The following SAG variants were observed in gnomAD, a reference collection of about 807,000 sequenced individuals.
SAG encodes S-antigen visual arrestin, also known as S-arrestin.
SAG carries 45 observed loss-of-function variants against 55.0 expected under a neutral mutation model. The observed-to-expected ratio is 0.82, with a 90% CI of 0.64 to 1.05. The LOEUF (loss-of-function observed/expected upper bound fraction) is 1.05. Ranked by LOEUF, SAG falls within the 50% of genes least tolerant of loss-of-function variation. SAG has a pLI of 0.00. For missense variants in SAG, 455 were observed against 512.1 expected (o/e 0.89, Z 1.08); for synonymous variants, 189 against 197.4 (o/e 0.96, Z 0.36).
At chr2:233,320,555 C>A in intron 4 of SAG, 75 bp from the exon 5 acceptor site, 1 of 1,197,144 alleles carries the variant, frequency 8.4e-7, no homozygotes, top group South Asian at 1.5e-5. Context: ...AACCCGTGTT[C>A]GCTGCCCATT....
At chr2:233,333,763 A>G (rs1700841642) in intron 10 of SAG, 1 of 152,148 alleles carries the variant, frequency 6.6e-6, no homozygotes, top group Non-Finnish European at 1.5e-5. Flanking sequence ...CATCTTTACA[A>G]TGCTGTTTCT....
intron 1 of SAG, 36 bp downstream of exon 1, chr2:233,308,058 A>G (rs1699990788): frequency 6.6e-6 from 1 of 152,344 alleles, no homozygotes; most frequent in Non-Finnish European, 1.5e-5. Flanking sequence ...CTTATCAGAA[A>G]CCTGGGGCAG....
Position 233,320,670 on chromosome 2 carries a change from G to A in SAG, c.222G>A (p.Glu74=). The A allele has an allele frequency of 1.2e-6, 2 of 1,606,880 alleles. No homozygotes were observed. The highest frequency in any genetic ancestry group is 1.1e-5 in the South Asian group (1 of 89,504). The change falls in exon 5 of 16, where the codon GAG becomes GAA. Residue 74 remains glutamate, a synonymous_variant. Transcript: ENST00000409110. The part of the protein sequence containing the change: ...TLTCAFRYGQ[E]DIDVIGLTFR... Reference sequence around the variant, plus strand: ...CCTGCGCCTTCCGCTATGGCCAAGAGGACATTGACGTGATCGGCTTGACCT... The same window carrying A: ...CCTGCGCCTTCCGCTATGGCCAAGAAGACATTGACGTGATCGGCTTGACCT...
At chr2:233,342,165 T>G in intron 13 of SAG, 106 bp from the exon 14 acceptor site, 1 of 812,378 alleles carries the variant, frequency 1.2e-6, no homozygotes, top group Non-Finnish European at 2.0e-6. Flanking sequence ...GTCTTTCAGC[T>G]TGGGCCTGGG....
intron 2 of SAG, among the ~76,000 whole-genome samples, chr2:233,311,773 G>A (rs1453624651): frequency 2.0e-5 from 3 of 152,158 alleles, no homozygotes; most frequent in Non-Finnish European, 4.4e-5. Flanking sequence ...AGGGGCCTCA[G>A]TCATTGGTCT....
intron 10 of SAG, 104 bp from the exon 11 acceptor site, chr2:233,334,858 A>T: frequency 7.2e-7 from 1 of 1,395,490 alleles, no homozygotes; most frequent in East Asian, 2.3e-5. Flanking sequence ...CAGGAGGTCC[A>T]TCAGGGGATG....
At position 233,340,788 on chromosome 2, in the gene SAG, CACATA is replaced by C. The variant is rs1417084736; in HGVS notation, c.1046+317_1046+321del. Among the ~76,000 whole-genome samples the C allele has an allele frequency of 2.0e-5, 3 of 152,094 alleles. No individual in the cohort carries two copies. Among genetic ancestry groups the C allele is most frequent in the Non-Finnish European group, 4.4e-5 (3 of 68,022 alleles). ...GTGTGTGTTTGTGTGCGGTAAAATA[CACATA>C]ACATAAATTTTACCATTATATTATT... is the stretch of plus-strand genomic sequence containing the variant. On this transcript the variant is annotated intron_variant, in intron 13 of 15. Coordinates refer to ENST00000409110, the MANE Select transcript of SAG (RefSeq NM_000541.5). The surrounding 1 kb of genome is among the most constrained non-coding windows in gnomAD (Gnocchi z 4.2).
Position 233,320,703 on chromosome 2 carries a change from G to A in SAG, c.255G>A (p.Arg85=). The change falls in exon 5 of 16, where the codon AGG becomes AGA. Residue 85 remains arginine, a synonymous_variant. Coordinates refer to ENST00000409110, the MANE Select transcript of SAG (RefSeq NM_000541.5). ...ACGTGATCGGCTTGACCTTCCGCAG[G>A]GACCTGTACTTCTCCCGGGTCCAGG... The part of the protein sequence containing the change: ...DIDVIGLTFR[R]DLYFSRVQVY... The A allele has an allele frequency of 6.2e-7, 1 of 1,605,948 alleles. No individual in the cohort carries two copies. The highest frequency in any genetic ancestry group is 8.5e-7 in the Non-Finnish European group (1 of 1,176,450).
At chr2:233,309,320 G>C in intron 2 of SAG, 56 bp downstream of exon 2, 1 of 1,470,984 alleles carries the variant, frequency 6.8e-7, no homozygotes, top group Non-Finnish European at 9.4e-7. Flanking sequence ...AAAAAATGGA[G>C]CTTTTTCAAG....
chr2:233,310,031 A>G (rs1438367265), intron 2 of SAG, among the ~76,000 whole-genome samples: 1 of 152,194 alleles, frequency 6.6e-6, no homozygotes, highest in Non-Finnish European at 1.5e-5. Context: ...CTCAAGCCTC[A>G]GCTGGGCCCG....
intron 10 of SAG, 63 bp downstream of exon 10, chr2:233,331,775 C>T (rs1345462299): frequency 8.5e-7 from 1 of 1,173,032 alleles, no homozygotes; most frequent in Non-Finnish European, 1.3e-6. Flanking sequence ...AGTTTCTCGC[C>T]GTTTATTGCT....
chr2:233,338,892 G>C (rs1291600741), intron 12 of SAG, 139 bp downstream of exon 12: 1 of 762,816 alleles, frequency 1.3e-6, no homozygotes, highest in Admixed American at 2.0e-5. Context: ...GTAGAGCTTG[G>C]GAGAGATTCT....
In SAG at chr2:233,338,855, CCCATAGCTTCTA is replaced by C. The variant is rs757780638; in HGVS notation, c.1022+106_1022+117del. 67 of 945,880 alleles carry C rather than the reference CCCATAGCTTCTA, an allele frequency of 7.1e-5. 1 individual carries two copies. The East Asian group carries it at 1.5e-3, about 21-fold the overall frequency. The allele number at this position is 945,880 out of a possible 1,614,324, so 58.6% of individuals were successfully genotyped here. A position where few individuals can be genotyped will look rare whatever the true frequency, so the allele number is the denominator to read the frequency against. ...CTGGGAGACAGAAAGCAAGGAAAGG[CCCATAGCTTCTA>C]CCAAGGATTACCAAGTAGAGCTTGG... On this transcript the variant is annotated intron_variant, in intron 12 of 15. Coordinates refer to ENST00000409110, the MANE Select transcript of SAG (RefSeq NM_000541.5).
At chr2:233,321,354 T>G (rs982997310) in intron 5 of SAG, among the ~76,000 whole-genome samples, 43 of 152,186 alleles carry the variant, frequency 2.8e-4, no homozygotes, top group African/African-American at 1.0e-3. Context: ...TGGGGGAAGC[T>G]ACCATCTGCT....
chr2:233,344,176 A>G (rs1559456352), intron 14 of SAG: 3 of 147,220 alleles, frequency 2.0e-5, no homozygotes, highest in Non-Finnish European at 1.5e-5. Context: ...TTATGCCTTA[A>G]TTTTTTTTTT....
chr2:233,320,828 G>A lies in SAG; in HGVS notation c.375+5G>A. ...ACGTACCCCTTTCTCCTGACGGTGG[G>A]TGACTCCTCCGGCCAGCCCTGCTTC... On this transcript the variant is annotated splice_donor_5th_base_variant and intron_variant, in intron 5 of 15. Coordinates refer to ENST00000409110, the MANE Select transcript of SAG (RefSeq NM_000541.5). The A allele has an allele frequency of 6.3e-7, 1 of 1,580,010 alleles. No homozygotes were observed. The highest frequency in any genetic ancestry group is 8.6e-7 in the Non-Finnish European group (1 of 1,163,150).
intron 12 of SAG, 69 bp downstream of exon 12, chr2:233,338,822 C>T: frequency 2.3e-6 from 3 of 1,285,320 alleles, no homozygotes; most frequent in Non-Finnish European, 3.4e-6. Flanking sequence ...TTTTCCTTTC[C>T]TGAATGACTG....
At chr2:233,325,275 A>C (rs1193992649) in intron 6 of SAG, among the ~76,000 whole-genome samples, 1 of 151,562 alleles carries the variant, frequency 6.6e-6, no homozygotes, top group Admixed American at 6.6e-5. Context: ...AGAATCACTC[A>C]AACTTGGGAG....
intron 2 of SAG, among the ~76,000 whole-genome samples, chr2:233,311,308 C>T (rs558080877): frequency 4.6e-5 from 7 of 152,260 alleles, no homozygotes; most frequent in African/African-American, 1.7e-4. Context: ...CTCCTGGCGT[C>T]TCACCCACAC....
Sources: gnomAD v4.1 joint callset for allele counts (sites outside exome capture counted in the v4.1 genomes callset) on GRCh38, gnomAD v4.1.1 for gene constraint, Gnocchi (gnomAD v3.1) non-coding constraint, MANE v1.5 for transcripts, NCBI Gene and HGNC (gene_info 2026-07-23, HGNC 2026-07-21) for gene names.